SF3B1: variants seen among roughly 807,000 people sequenced by gnomAD.
SF3B1 encodes the protein splicing factor 3b subunit 1.
SF3B1 carries 12 observed loss-of-function variants against 153.8 expected under a neutral mutation model. The observed-to-expected ratio is 0.08, with a 90% CI of 0.05 to 0.13. The LOEUF is 0.13. Among genes scored for constraint, SF3B1 ranks in the 10% least tolerant of loss-of-function variants. SF3B1 has a pLI of 1.00. For missense variants in SF3B1, 513 were observed against 1,606.1 expected (o/e 0.32, Z 11.63); for synonymous variants, 498 against 525.2 (o/e 0.95, Z 0.71).
rs788018 is a variant in SF3B1, at chr2:197,400,802, A to G, written c.2631T>C (p.Gly877=). 0.68 allele frequency: 1,094,129 copies of G among 1,611,526 alleles called. 375,202 individuals carry two copies. Among genetic ancestry groups the G allele is most frequent in the Middle Eastern group, 0.86 (5,181 of 6,052 alleles). Residue 877 remains glycine (G), a synonymous_variant, in exon 18 of 25, where the codon GGT becomes GGC. Coordinates refer to ENST00000335508, the MANE Select transcript of SF3B1 (RefSeq NM_012433.4). This position sits in a 1 kb window ranked among gnomAD's most constrained non-coding sequence, Gnocchi z 5.0. Reference sequence around the variant, plus strand: ...GATCAATATCTGCTGCTCCCAAATTACCCATAATTTTCTCAATTGTCTCCA... The same window carrying G: ...GATCAATATCTGCTGCTCCCAAATTGCCCATAATTTTCTCAATTGTCTCCA... ...MVMETIEKIM[G]NLGAADIDHK...
intron 2 of SF3B1, among the ~76,000 whole-genome samples, chr2:197,421,906 G>A (rs1448990069): frequency 2.6e-5 from 4 of 152,090 alleles, no homozygotes; most frequent in South Asian, 2.1e-4. Context: ...GCTTGATCTC[G>A]GGAGGCGAAG....
chr2:197,411,564 C>T (rs1574538133), intron 6 of SF3B1, among the ~76,000 whole-genome samples: 1 of 151,266 alleles, frequency 6.6e-6, no homozygotes, highest in African/African-American at 2.4e-5. Flanking sequence ...CCCAGCTACT[C>T]GGGAGGCTGA....
chr2:197,423,556 CTT>C (rs2085282844), intron 2 of SF3B1, among the ~76,000 whole-genome samples: 2 of 152,118 alleles, frequency 1.3e-5, no homozygotes, highest in South Asian at 2.1e-4. Flanking sequence ...TTACTTTACT[CTT>C]AACTTTATAA....
intron 5 of SF3B1, among the ~76,000 whole-genome samples, chr2:197,417,175 A>T (rs1203783369): frequency 1.3e-5 from 2 of 152,216 alleles, no homozygotes; most frequent in Non-Finnish European, 1.5e-5. Context: ...GTGAAGTAAA[A>T]TCTTCAGTCA....
chr2:197,410,742 G>T (rs995940132), intron 6 of SF3B1, among the ~76,000 whole-genome samples: 5 of 152,074 alleles, frequency 3.3e-5, no homozygotes, highest in African/African-American at 1.2e-4. Flanking sequence ...CTGACCTCGT[G>T]ATCCACCCAC....
chr2:197,418,906 CTT>C (rs753605467), intron 4 of SF3B1: 9 of 1,596,670 alleles, frequency 5.6e-6, no homozygotes, highest in African/African-American at 1.3e-5. Context: ...ACTTTCGTGC[CTT>C]TGTCTCCATC....
At chr2:197,410,520 T>TC (rs1452238982) in intron 6 of SF3B1, among the ~76,000 whole-genome samples, 1 of 149,578 alleles carries the variant, frequency 6.7e-6, no homozygotes, top group Non-Finnish European at 1.5e-5. Context: ...TTTTTTTTTT[T>TC]TTTGAGACAG....
chr2:197,417,575 T>TAAA (rs56204414), intron 5 of SF3B1, among the ~76,000 whole-genome samples: 18 of 99,780 alleles, frequency 1.8e-4, no homozygotes, highest in South Asian at 3.4e-4. Flanking sequence ...CCACCTCTAC[T>TAAA]AAAAAAAAAA....
rs2084972966 is a variant in SF3B1 at position 197,404,841 on chromosome 2, T to C, written c.1539+235A>G. The C allele has an allele frequency of 1.3e-5, 5 of 375,134 alleles. 1 individual carries two copies. In the South Asian group the frequency reaches 1.8e-4, roughly 13 times the overall value. The allele number at this position is 375,134 out of a possible 1,614,324, so 23.2% of individuals were successfully genotyped here. Reference sequence around the variant, plus strand: ...GCTATACCAATAGTTCACTACTATTTTGTGGTCTACATTTCCTGGTGAAAA... The same window carrying C: ...GCTATACCAATAGTTCACTACTATTCTGTGGTCTACATTTCCTGGTGAAAA... On this transcript the variant is annotated intron_variant, in intron 11 of 24. Transcript: ENST00000335508.
In SF3B1 at chr2:197,397,338, A is replaced by G. The variant is rs191429466; in HGVS notation, c.3266+647T>C. 1.2e-4 allele frequency among the ~76,000 whole-genome samples: 19 copies of G among 152,288 alleles called. No individual in the cohort carries two copies. The East Asian group carries it at 2.1e-3, about 17-fold the overall frequency. ...TATAAAGCATTAATATGAGACTTAAATGATGTTGTGAGACTAAAAACTTGC... is the reference window on the plus strand; with the variant it reads ...TATAAAGCATTAATATGAGACTTAAGTGATGTTGTGAGACTAAAAACTTGC... On this transcript the variant is annotated intron_variant, in intron 22 of 24. Coordinates refer to ENST00000335508, the MANE Select transcript of SF3B1 (RefSeq NM_012433.4).
At chr2:197,412,063 T>C (rs974481186) in intron 6 of SF3B1, among the ~76,000 whole-genome samples, 18 of 141,582 alleles carry the variant, frequency 1.3e-4, no homozygotes, top group South Asian at 1.1e-3. Context: ...CAAGCCAAGA[T>C]CACGCCACTG....
At chr2:197,397,214 G>GTGCCCAGA (rs879562863) in intron 22 of SF3B1, among the ~76,000 whole-genome samples, 1 of 152,012 alleles carries the variant, frequency 6.6e-6, no homozygotes, top group Non-Finnish European at 1.5e-5. Context: ...TGTCGCCCAG[G>GTGCCCAGA]TGCCCAGATG....
chr2:197,418,860 T>C, intron 4 of SF3B1: 3 of 1,559,982 alleles, frequency 1.9e-6, no homozygotes, highest in Non-Finnish European at 1.7e-6. Flanking sequence ...TCTTCAGAAG[T>C]GATGGGTTCC....
intron 6 of SF3B1, among the ~76,000 whole-genome samples, chr2:197,411,953 A>T (rs919896026): frequency 5.3e-5 from 8 of 151,824 alleles, no homozygotes; most frequent in Non-Finnish European, 1.0e-4. Flanking sequence ...AAATAAAAAT[A>T]AATAAAAATA....
Position 197,411,833 on chromosome 2 carries a change from C to A in SF3B1, c.667-1826G>T, listed in dbSNP as rs977110557. On this transcript the variant is annotated intron_variant, in intron 6 of 24. Coordinates refer to ENST00000335508, the MANE Select transcript of SF3B1 (RefSeq NM_012433.4). ...CTACTCAGGGCTGGGCATGGTGGTT[C>A]ATGCCTGTAATCCCAGCACTTTGGG... 2.0e-5 allele frequency among the ~76,000 whole-genome samples: 3 copies of A among 152,082 alleles called. 1 individual carries two copies. Among genetic ancestry groups the A allele is most frequent in the Admixed American group, 2.0e-4 (3 of 15,264 alleles).
At chr2:197,412,795 G>A (rs1199155687) in intron 6 of SF3B1, among the ~76,000 whole-genome samples, 1 of 149,080 alleles carries the variant, frequency 6.7e-6, no homozygotes, top group Non-Finnish European at 1.5e-5. Context: ...CACCAGCCTG[G>A]CCAACACTGC....
intron 1 of SF3B1, among the ~76,000 whole-genome samples, chr2:197,431,848 A>G (rs2085442863): frequency 6.6e-6 from 1 of 152,186 alleles, no homozygotes; most frequent in African/African-American, 2.4e-5. Context: ...TTTCAAGGCC[A>G]GGCATCGTGG....
At chr2:197,420,573 A>G (rs200871784) in intron 3 of SF3B1, 31 bp from the exon 4 acceptor site, 1 of 1,392,916 alleles carries the variant, frequency 7.2e-7, no homozygotes, top group African/African-American at 1.4e-5. Context: ...CTTAATATCC[A>G]CTTTATTAAA....
intron 1 of SF3B1, among the ~76,000 whole-genome samples, chr2:197,433,072 A>G (rs2085466460): frequency 6.6e-6 from 1 of 152,226 alleles, no homozygotes; most frequent in South Asian, 2.1e-4. Context: ...TTTATCAAAA[A>G]TGGCTTAACA....
Sources: gnomAD v4.1 joint callset for allele counts (sites outside exome capture counted in the v4.1 genomes callset) on GRCh38, gnomAD v4.1.1 for gene constraint, Gnocchi (gnomAD v3.1) non-coding constraint, MANE v1.5 for transcripts, NCBI Gene and HGNC (gene_info 2026-07-23, HGNC 2026-07-21) for gene names.